The following TIAM1 variants were observed in gnomAD, a reference collection of about 807,000 sequenced individuals.
The protein encoded by TIAM1 is rho guanine nucleotide exchange factor TIAM1.
A neutral mutation model predicts 163.5 loss-of-function variants in TIAM1; 65 were observed. The observed-to-expected ratio is 0.40, with a 90% CI of 0.33 to 0.49. TIAM1 has a LOEUF of 0.49. Ranked by LOEUF, TIAM1 falls within the 20% of genes least tolerant of loss-of-function variation. The pLI, the probability that TIAM1 is intolerant of heterozygous loss-of-function variation, is 0.77. For synonymous variants in TIAM1, 833 were observed against 810.1 expected (o/e 1.03, Z -0.48); for missense variants, 1,789 against 2,044.7 (o/e 0.87, Z 2.41).
chr21:31,482,678 G>A (rs1416327721), intron 1 of TIAM1, among the ~76,000 whole-genome samples: 5 of 152,182 alleles, frequency 3.3e-5, no homozygotes, highest in Non-Finnish European at 7.3e-5. Flanking sequence ...GATGCAATAT[G>A]CAAGCTGACG....
intron 2 of TIAM1, among the ~76,000 whole-genome samples, chr21:31,438,179 CTTTTTTTTTTTT>C (rs34844399): frequency 0.02 from 1,228 of 62,766 alleles, 40 homozygotes; most frequent in African/African-American, 0.079. Flanking sequence ...TATTTGTGAT[CTTTTTTTTTTTT>C]TTTTTTTTTT....
intron 1 of TIAM1, among the ~76,000 whole-genome samples, chr21:31,551,388 G>A (rs1373089676): frequency 1.3e-5 from 2 of 151,642 alleles, no homozygotes; most frequent in Non-Finnish European, 2.9e-5. Context: ...CCAGCCTGGG[G>A]AACAGAGCGA....
intron 1 of TIAM1, among the ~76,000 whole-genome samples, chr21:31,553,573 T>A (rs2048766869): frequency 6.6e-6 from 1 of 152,148 alleles, no homozygotes; most frequent in Non-Finnish European, 1.5e-5. Flanking sequence ...AATTATCATT[T>A]GCCTGGAATG....
At chr21:31,388,925 G>C (rs911538804) in intron 2 of TIAM1, among the ~76,000 whole-genome samples, 7 of 152,352 alleles carry the variant, frequency 4.6e-5, no homozygotes, top group African/African-American at 1.7e-4. Flanking sequence ...GCTGCCAGCA[G>C]CAAGAAGCAC....
intron 22 of TIAM1, 145 bp from the exon 23 acceptor site, chr21:31,136,186 A>G: frequency 2.9e-6 from 2 of 679,092 alleles, no homozygotes; most frequent in Non-Finnish European, 4.9e-6. Context: ...TATGTGAGAT[A>G]ATGCTAAGTT....
intron 22 of TIAM1, among the ~76,000 whole-genome samples, chr21:31,138,980 C>T (rs182826626): frequency 1.3e-5 from 2 of 151,956 alleles, no homozygotes; most frequent in East Asian, 1.9e-4. Context: ...AGCCAGTGTC[C>T]CTCCTTCCAT....
At chr21:31,319,574 C>A (rs530553384) in intron 2 of TIAM1, among the ~76,000 whole-genome samples, 3 of 151,838 alleles carry the variant, frequency 2.0e-5, no homozygotes, top group Non-Finnish European at 1.5e-5. Context: ...GTCAGGAGAT[C>A]GAGACCATTC....
intron 1 of TIAM1, among the ~76,000 whole-genome samples, chr21:31,475,617 A>G (rs1201855729): frequency 6.6e-6 from 1 of 152,176 alleles, no homozygotes; most frequent in Non-Finnish European, 1.5e-5. Context: ...GCCCTGATAC[A>G]TCATGGCCAG....
intron 2 of TIAM1, among the ~76,000 whole-genome samples, chr21:31,292,670 C>CTT (rs66519831): frequency 1.1e-3 from 142 of 131,936 alleles, no homozygotes; most frequent in African/African-American, 3.7e-3. Context: ...GTGCCTGGCA[C>CTT]TTTTTTTTTT....
intron 2 of TIAM1, among the ~76,000 whole-genome samples, chr21:31,454,173 G>C (rs2044996704): frequency 6.6e-6 from 1 of 152,190 alleles, no homozygotes; most frequent in Non-Finnish European, 1.5e-5. Flanking sequence ...CTGCTAGAAT[G>C]CAAGCTCCAC....
rs143109113 is a variant in TIAM1, at chr21:31,430,273, C to CATATAT, written c.-369+33704_-369+33709dup. ...ACACACACACACACACACACACACA[C>CATATAT]ATATATATATATATTGCACAGTGGG... is the stretch of plus-strand genomic sequence containing the variant. On this transcript the variant is annotated intron_variant, in intron 2 of 28. Transcript: ENST00000286827. Among the ~76,000 whole-genome samples the CATATAT allele has an allele frequency of 2.8e-4, 35 of 126,222 alleles. 1 individual carries two copies. The highest frequency in any genetic ancestry group is 1.1e-3 in the African/African-American group (32 of 28,304). The allele number at this position is 126,222 out of a possible 152,430, so 82.8% of individuals were successfully genotyped here.
chr21:31,485,602 G>T (rs554767405), intron 1 of TIAM1, among the ~76,000 whole-genome samples: 1 of 152,262 alleles, frequency 6.6e-6, no homozygotes, highest in African/African-American at 2.4e-5. Flanking sequence ...AGCCGCCATT[G>T]TATCAGGAAC....
intron 2 of TIAM1, among the ~76,000 whole-genome samples, chr21:31,337,810 G>GT (rs2147086143): frequency 6.6e-6 from 1 of 152,068 alleles, no homozygotes; most frequent in South Asian, 2.1e-4. Context: ...GATTACGGGT[G>GT]TGAGCCACCA....
chr21:31,210,805 A>AGAAAGAAG (rs1569034983), intron 10 of TIAM1, among the ~76,000 whole-genome samples: 2 of 149,980 alleles, frequency 1.3e-5, no homozygotes, highest in African/African-American at 2.5e-5. Flanking sequence ...AAAGAAAGAA[A>AGAAAGAAG]GAAAGAAAGG....
intron 2 of TIAM1, among the ~76,000 whole-genome samples, chr21:31,280,402 C>T (rs1029317248): frequency 2.6e-5 from 4 of 152,076 alleles, no homozygotes; most frequent in African/African-American, 9.7e-5. Flanking sequence ...TGACTTTCTC[C>T]TCCCTGCCTT....
At position 31,142,463 on chromosome 21, in the gene TIAM1, C is replaced by CAAAAAAAAAAA. The variant is rs34368848; in HGVS notation, c.3476-970_3476-960dup. On this transcript the variant is annotated intron_variant, in intron 20 of 27. Coordinates refer to ENST00000541036, the MANE Select transcript of TIAM1 (RefSeq NM_001353694.2). ...TAAAATCTCATCTCTACTAAAAATA[C>CAAAAAAAAAAA]AAAAAAAAAAAAAAAAAAAAAAGCC... 7.6e-4 allele frequency among the ~76,000 whole-genome samples: 38 copies of CAAAAAAAAAAA among 49,914 alleles called. 1 individual carries two copies. The highest frequency in any genetic ancestry group is 1.2e-3 in the African/African-American group (13 of 10,694). The allele number at this position is 49,914 out of a possible 152,430, so 32.7% of individuals were successfully genotyped here.
chr21:31,274,909 G>A lies in TIAM1; in HGVS notation c.-12+1823C>T, dbSNP rs575304066. On this transcript the variant is annotated intron_variant, in intron 3 of 27. Coordinates refer to ENST00000541036, the MANE Select transcript of TIAM1 (RefSeq NM_001353694.2). Reference sequence around the variant, plus strand: ...GGATCACTTGAGGTCACGAGTTTGAGACTAGTCTGGCCAGTATGGTGAAAC... The same window carrying A: ...GGATCACTTGAGGTCACGAGTTTGAAACTAGTCTGGCCAGTATGGTGAAAC... Among the ~76,000 whole-genome samples, 254 of 146,848 alleles carry A rather than the reference G, an allele frequency of 1.7e-3. 1 individual carries two copies. The highest frequency in any genetic ancestry group is 6.2e-3 in the African/African-American group (246 of 39,836).
chr21:31,274,846 C>T (rs1457841738), intron 3 of TIAM1, among the ~76,000 whole-genome samples: 3 of 152,054 alleles, frequency 2.0e-5, no homozygotes, highest in African/African-American at 7.3e-5. Context: ...CGGTGGCTCA[C>T]ACCTGTAATC....
chr21:31,230,765 C>T (rs2088367581), intron 6 of TIAM1, among the ~76,000 whole-genome samples: 1 of 152,130 alleles, frequency 6.6e-6, no homozygotes, highest in Non-Finnish European at 1.5e-5. Context: ...AACTCCTGAC[C>T]TCAAGTGATC....
Sources: allele counts gnomAD v4.1 joint callset (sites outside exome capture counted in the v4.1 genomes callset), GRCh38; gene constraint gnomAD v4.1.1; transcripts MANE v1.5; gene names NCBI Gene and HGNC (gene_info 2026-07-23, HGNC 2026-07-21).